Variants in ASTN1 observed in about 807,000 individuals in gnomAD.
ASTN1 encodes the protein astrotactin-1.
Under a neutral mutation model 140.7 loss-of-function variants are expected in ASTN1, and 41 were observed. The observed-to-expected ratio is 0.29, with a 90% CI of 0.23 to 0.38. ASTN1 has a LOEUF of 0.38. Ranked by LOEUF, ASTN1 falls within the 10% of genes least tolerant of loss-of-function variation. ASTN1 has a pLI of 1.00. For missense variants in ASTN1, 1,479 were observed against 1,678.8 expected (o/e 0.88, Z 2.08); for synonymous variants, 640 against 652.2 (o/e 0.98, Z 0.29).
intron 8 of ASTN1, among the ~76,000 whole-genome samples, chr1:176,972,161 C>A (rs1673164581): frequency 6.6e-6 from 1 of 152,130 alleles, no homozygotes; most frequent in Non-Finnish European, 1.5e-5. Flanking sequence ...TATAGTTTTA[C>A]AATTTCATGG....
chr1:176,861,540 T>C lies in ASTN1; in HGVS notation c.*2744A>G, dbSNP rs1210410465. 1 of 985,724 alleles carries C rather than the reference T, an allele frequency of 1.0e-6. No individual in the cohort carries two copies. Among genetic ancestry groups the C allele is most frequent in the Admixed American group, 6.1e-5 (1 of 16,264 alleles). The allele number at this position is 985,724 out of a possible 1,614,324, so 61.1% of individuals were successfully genotyped here. A position where few individuals can be genotyped will look rare whatever the true frequency, so the allele number is the denominator to read the frequency against. On this transcript the variant is annotated 3_prime_UTR_variant, in exon 23 of 23. Transcript: ENST00000361833. ...ATTAGGAAAAGTCAGCAGGTTGAGA[T>C]CAATAGTGTCTTCCAAGGGGAAAAA...
Position 176,863,007 on chromosome 1 carries a change from C to T in ASTN1, c.*1277G>A, listed in dbSNP as rs1194018667. On this transcript the variant is annotated 3_prime_UTR_variant, in exon 23 of 23. Transcript: ENST00000361833. ...CTAAGGCCATTGCTAGTCAACAGGG[C>T]CTTGCCAGGCTCTTTCTGAAAGGCT... is the stretch of plus-strand genomic sequence containing the variant. 2.0e-6 allele frequency: 2 copies of T among 985,468 alleles called. No homozygotes were observed. Among genetic ancestry groups the T allele is most frequent in the Non-Finnish European group, 2.4e-6 (2 of 829,940 alleles). 61.0% of individuals were successfully genotyped at this position (985,468 alleles called of 1,614,324 possible).
Position 176,861,569 on chromosome 1 carries a change from C to T in ASTN1, c.*2715G>A. 1 of 985,680 alleles carries T rather than the reference C, an allele frequency of 1.0e-6. No individual in the cohort carries two copies. The highest frequency in any genetic ancestry group is 1.7e-5 in the African/African-American group (1 of 57,348). The allele number at this position is 985,680 out of a possible 1,614,324, so 61.1% of individuals were successfully genotyped here. A position where few individuals can be genotyped will look rare whatever the true frequency, so the allele number is the denominator to read the frequency against. On this transcript the variant is annotated 3_prime_UTR_variant, in exon 23 of 23. Transcript: ENST00000361833. ...TAGTGTCTTCCAAGGGGAAAAAATC[C>T]TCCAGTCAATTGTACAACCATCCTA... is the stretch of plus-strand genomic sequence containing the variant.
chr1:176,858,435 C>T (rs1667874149), downstream of ASTN1, among the ~76,000 whole-genome samples: 1 of 152,168 alleles, frequency 6.6e-6, no homozygotes. Flanking sequence ...TCAAGCTATG[C>T]TGTCCTCAGG....
intron 14 of ASTN1, among the ~76,000 whole-genome samples, chr1:176,941,412 G>A (rs926415199): frequency 1.3e-5 from 2 of 152,184 alleles, no homozygotes; most frequent in Non-Finnish European, 1.5e-5. Flanking sequence ...TAGCTTAGAG[G>A]ATTTTAGGGC....
intron 2 of ASTN1, among the ~76,000 whole-genome samples, chr1:177,043,118 A>C (rs1454941681): frequency 6.6e-6 from 1 of 152,208 alleles, no homozygotes. Context: ...GGTAGATGTA[A>C]AGTGAAATCA....
At chr1:176,875,518 C>T (rs1158776798) in intron 21 of ASTN1, among the ~76,000 whole-genome samples, 1 of 152,112 alleles carries the variant, frequency 6.6e-6, no homozygotes, top group East Asian at 1.9e-4. Context: ...CATAGTGCTA[C>T]AATATTAGTG....
chr1:176,877,249 T>C (rs955114303), intron 20 of ASTN1, among the ~76,000 whole-genome samples: 1 of 152,218 alleles, frequency 6.6e-6, no homozygotes, highest in Non-Finnish European at 1.5e-5. Context: ...GTTCATGACA[T>C]TGCATATATC....
chr1:176,958,402 T>C lies in ASTN1; in HGVS notation c.1679A>G (p.Asn560Ser), dbSNP rs779100760. The C allele has an allele frequency of 1.9e-6, 3 of 1,613,962 alleles. No homozygotes were observed. The highest frequency in any genetic ancestry group is 3.3e-5 in the Admixed American group (2 of 59,990). The change falls in exon 10 of 23, where the codon AAT (asparagine) becomes AGT (serine). Residue 560 changes from asparagine to serine, a missense_variant. Asn to Ser is a conservative substitution (Grantham distance 46). Around this residue, in one of 3 missense-constraint regions of ASTN1, gnomAD observed 729 missense variants for 860.4 expected, o/e 0.85. Transcript: ENST00000361833. ...FVIPPAELAI[N>S]PSAKCKTDMT... ...GTCCGTCTTGCACTTTGCTGATGGA[T>C]TGATGGCCAGTTCGGCTGGTGGAAT...
chr1:176,998,546 G>C (rs149701184), intron 8 of ASTN1, among the ~76,000 whole-genome samples: 2 of 151,196 alleles, frequency 1.3e-5, no homozygotes, highest in Admixed American at 6.6e-5. Context: ...AGAGGTGGGG[G>C]TGGGGAGCTC....
chr1:177,140,400 T>C (rs972167476), intron 1 of ASTN1, among the ~76,000 whole-genome samples: 47 of 152,168 alleles, frequency 3.1e-4, no homozygotes, highest in African/African-American at 1.1e-3. Context: ...CTGATAAGTG[T>C]TTTATGGATG....
At chr1:177,010,913 T>C (rs1675258029) in intron 8 of ASTN1, among the ~76,000 whole-genome samples, 1 of 152,194 alleles carries the variant, frequency 6.6e-6, no homozygotes, top group African/African-American at 2.4e-5. Context: ...TTTAGGATCA[T>C]TTAAATTTAA....
At chr1:177,069,066 C>T (rs1678504176) in intron 1 of ASTN1, among the ~76,000 whole-genome samples, 2 of 152,006 alleles carry the variant, frequency 1.3e-5, no homozygotes, top group Non-Finnish European at 2.9e-5. Flanking sequence ...GCAATCTGCC[C>T]ACCTCAGCCT....
chr1:177,067,638 A>G (rs1414190843), intron 1 of ASTN1, among the ~76,000 whole-genome samples: 3 of 152,196 alleles, frequency 2.0e-5, no homozygotes, highest in Non-Finnish European at 2.9e-5. Context: ...TCAGGGGTTA[A>G]TAACAGTAGG....
At chr1:177,047,332 T>C (rs1677287237) in intron 2 of ASTN1, among the ~76,000 whole-genome samples, 1 of 152,044 alleles carries the variant, frequency 6.6e-6, no homozygotes, top group South Asian at 2.1e-4. Context: ...CATAGAAGTA[T>C]TAAATAGCAA....
chr1:176,920,817 A>C (rs1043225844), intron 16 of ASTN1, among the ~76,000 whole-genome samples: 1 of 152,198 alleles, frequency 6.6e-6, no homozygotes, highest in African/African-American at 2.4e-5. Context: ...TGCCTGATCT[A>C]TATATAATAA....
chr1:176,956,348 T>G (rs1672399657), intron 11 of ASTN1, among the ~76,000 whole-genome samples: 1 of 151,972 alleles, frequency 6.6e-6, no homozygotes, highest in South Asian at 2.1e-4. Flanking sequence ...GGGGAGGCCT[T>G]AGGGCTGGGA....
At chr1:177,005,654 A>G (rs1023190879) in intron 8 of ASTN1, among the ~76,000 whole-genome samples, 19 of 152,184 alleles carry the variant, frequency 1.2e-4, no homozygotes, top group East Asian at 3.8e-4. Context: ...TAATGTGTGT[A>G]CACATATATA....
At chr1:176,986,843 C>G (rs228002) in intron 8 of ASTN1, among the ~76,000 whole-genome samples, 87,450 of 152,062 alleles carry the variant, frequency 0.58, 25,623 homozygotes, top group African/African-American at 0.64. Context: ...CACGTGTTAA[C>G]TGCTTATAGT....
Sources: allele counts gnomAD v4.1 joint callset (sites outside exome capture counted in the v4.1 genomes callset), GRCh38; gene constraint gnomAD v4.1.1; regional missense constraint gnomAD v4.1.1; transcripts MANE v1.5; gene names NCBI Gene and HGNC (gene_info 2026-07-23, HGNC 2026-07-21).